The following COL22A1 variants were observed in gnomAD, a reference collection of about 807,000 sequenced individuals.
The protein encoded by COL22A1 is collagen type XXII alpha 1 chain, also known as collagen alpha-1(XXII) chain.
Under a neutral mutation model 248.9 loss-of-function variants are expected in COL22A1, and 221 were observed. The observed-to-expected ratio is 0.89, with a 90% confidence interval of 0.80 to 0.99. COL22A1 has a LOEUF of 0.99. Ranked by LOEUF, COL22A1 falls within the 50% of genes least tolerant of loss-of-function variation. The pLI is 0.00. For missense variants in COL22A1, 2,240 were observed against 2,179.0 expected, an observed-to-expected ratio of 1.03 and a Z score of -0.56; for synonymous variants, 891 against 793.4, an observed-to-expected ratio of 1.12 and a Z score of -2.07.
At chr8:138,738,035 T>A (rs10105280) in intron 22 of COL22A1, among the ~76,000 whole-genome samples, 141,351 of 152,190 alleles carry the variant, frequency 0.93, 66,266 homozygotes, top group Non-Finnish European at 1. Flanking sequence ...AGACTTCAGC[T>A]TGCCATTCAA....
intron 3 of COL22A1, among the ~76,000 whole-genome samples, chr8:138,866,770 A>G (rs2131986283): frequency 6.6e-6 from 1 of 152,230 alleles, no homozygotes; most frequent in East Asian, 1.9e-4. Flanking sequence ...TCCAAAACCT[A>G]GGAGGGTGTA....
At chr8:138,602,056 G>T (rs1587644733) in intron 60 of COL22A1, 59 bp downstream of exon 60, 6 of 1,581,610 alleles carry the variant, frequency 3.8e-6, no homozygotes, top group Non-Finnish European at 5.2e-6. Context: ...TCAACATCCT[G>T]TGGCCACTGT....
chr8:138,679,357 T>A (rs1825792487), intron 40 of COL22A1, among the ~76,000 whole-genome samples: 1 of 152,216 alleles, frequency 6.6e-6, no homozygotes, highest in African/African-American at 2.4e-5. Flanking sequence ...CCATGGTCCA[T>A]GTACATCAGC....
chr8:138,855,453 G>A (rs1011988817), intron 3 of COL22A1, among the ~76,000 whole-genome samples: 3 of 152,188 alleles, frequency 2.0e-5, no homozygotes, highest in Admixed American at 6.5e-5. Context: ...CTGCTAGGCC[G>A]GGGGAGAGCA....
intron 5 of COL22A1, 127 bp from the exon 6 acceptor site, chr8:138,826,908 A>G (rs1819631451): frequency 8.4e-7 from 1 of 1,187,188 alleles, no homozygotes; most frequent in African/African-American, 1.5e-5. Flanking sequence ...TCCACCATCC[A>G]CCTTCTTGGC....
intron 16 of COL22A1, among the ~76,000 whole-genome samples, chr8:138,764,795 CT>C (rs1833786522): frequency 6.6e-6 from 1 of 152,066 alleles, no homozygotes. Context: ...CCCATCTCTA[CT>C]GAAAAATACA....
At position 138,713,359 on chromosome 8, in the gene COL22A1, G is replaced by T. The variant is rs1312683142; in HGVS notation, c.2517+2323C>A. 2.0e-5 allele frequency among the ~76,000 whole-genome samples: 3 copies of T among 152,130 alleles called. No homozygotes were observed. In the East Asian group the frequency reaches 5.8e-4, roughly 29 times the overall value. ...GCCTTAGTTCTTTCACCTATAAACT[G>T]GGGGTTAAGACGAAAATGACTTCAT... is the stretch of plus-strand genomic sequence containing the variant. On this transcript the variant is annotated intron_variant, in intron 30 of 64. Transcript: ENST00000303045.
At chr8:138,806,361 C>G (rs1315778830) in intron 10 of COL22A1, among the ~76,000 whole-genome samples, 1 of 151,520 alleles carries the variant, frequency 6.6e-6, no homozygotes, top group Non-Finnish European at 1.5e-5. Flanking sequence ...CGTAGTGTCA[C>G]ATCCTAGCAC....
intron 22 of COL22A1, among the ~76,000 whole-genome samples, chr8:138,744,899 G>C (rs755075353): frequency 2.1e-4 from 32 of 152,146 alleles, no homozygotes; most frequent in Non-Finnish European, 4.3e-4. Context: ...TTTGTAAGAG[G>C]GGACATCTTG....
chr8:138,613,260 A>G (rs1367325818), intron 56 of COL22A1, among the ~76,000 whole-genome samples: 1 of 151,718 alleles, frequency 6.6e-6, no homozygotes, highest in Non-Finnish European at 1.5e-5. Flanking sequence ...AAAAAAAAAA[A>G]AGGAAGGGGT....
rs886333571 is a variant in COL22A1, at chr8:138,695,716, G to C, written c.2593-837C>G. On this transcript the variant is annotated intron_variant, in intron 32 of 64. Coordinates refer to ENST00000303045, the MANE Select transcript of COL22A1 (RefSeq NM_152888.3). The stretch of plus-strand genomic sequence containing the variant: ...AAGATGGGGCAGGCTCACTTCCAGG[G>C]AGCCACATCCAGGGTGCCCAACACA... Among the ~76,000 whole-genome samples the C allele has an allele frequency of 8.5e-5, 13 of 152,228 alleles. No individual in the cohort carries two copies. The South Asian group carries it at 2.7e-3, about 32-fold the overall frequency.
intron 8 of COL22A1, among the ~76,000 whole-genome samples, 183 bp from the exon 9 acceptor site, chr8:138,812,104 G>C (rs1272998710): frequency 6.6e-6 from 1 of 152,220 alleles, no homozygotes; most frequent in East Asian, 1.9e-4. Flanking sequence ...CATTTCACTG[G>C]CTGGCTCAGC....
At chr8:138,649,011 T>G (rs1822452556) in intron 46 of COL22A1, among the ~76,000 whole-genome samples, 1 of 152,268 alleles carries the variant, frequency 6.6e-6, no homozygotes, top group Non-Finnish European at 1.5e-5. Context: ...TGTAATTCAA[T>G]ATTAAAATGG....
rs1231406013 is a variant in COL22A1 at position 138,778,349 on chromosome 8, T to C, written c.1758+4A>G. On this transcript the variant is annotated splice_donor_region_variant and intron_variant, in intron 15 of 64. Transcript: ENST00000303045. ...CCCCTGCCCAGACAAGTGCCTTCAC[T>C]TACAGGAGCTCCGACACGTCCAGGA... The C allele has an allele frequency of 6.2e-7, 1 of 1,613,966 alleles. No individual in the cohort carries two copies. Among genetic ancestry groups the C allele is most frequent in the South Asian group, 1.1e-5 (1 of 91,022 alleles).
At chr8:138,870,288 G>A (rs1212684860) in intron 3 of COL22A1, among the ~76,000 whole-genome samples, 1 of 151,766 alleles carries the variant, frequency 6.6e-6, no homozygotes, top group Non-Finnish European at 1.5e-5. Flanking sequence ...TGTGTGAACT[G>A]TGCATTTGTA....
intron 18 of COL22A1, among the ~76,000 whole-genome samples, chr8:138,757,551 G>T (rs984534492): frequency 6.6e-6 from 1 of 152,070 alleles, no homozygotes; most frequent in African/African-American, 2.4e-5. Flanking sequence ...ACCATATAAG[G>T]GCCAATGTTC....
chr8:138,876,219 C>G (rs1267344920), intron 3 of COL22A1, among the ~76,000 whole-genome samples: 1 of 152,194 alleles, frequency 6.6e-6, no homozygotes, highest in Non-Finnish European at 1.5e-5. Flanking sequence ...GTCATGGCAT[C>G]CTTTAATCCC....
rs192060323 is a variant in COL22A1 at position 138,878,058 on chromosome 8, G to A, written c.350C>T (p.Thr117Met). Residue 117 changes from threonine (T) to methionine (M), a missense_variant, in exon 3 of 65, where the codon ACG becomes ATG. Thr to Met is a moderately conservative substitution (Grantham distance 81, BLOSUM62 -1). Transcript: ENST00000303045. ...CGTGATGTAGCGGAGCGCGTCTCCC[G>A]TGTTGGTGTTGCCCCCGTGGTAGGC... The part of the protein sequence containing the change: ...RLAYHGGNTN[T>M]GDALRYITAR... The A allele has an allele frequency of 3.1e-6, 5 of 1,596,038 alleles. No individual in the cohort carries two copies. The highest frequency in any genetic ancestry group is 2.3e-5 in the East Asian group (1 of 44,068).
intron 13 of COL22A1, 31 bp from the exon 14 acceptor site, chr8:138,779,593 G>A: frequency 6.5e-7 from 1 of 1,544,032 alleles, no homozygotes; most frequent in Non-Finnish European, 9.0e-7. Context: ...AAAGTCATAG[G>A]CAGTGGGACA....
Sources: gnomAD v4.1 joint callset for allele counts (sites outside exome capture counted in the v4.1 genomes callset) on GRCh38, gnomAD v4.1.1 for gene constraint, MANE v1.5 for transcripts, NCBI Gene and HGNC (gene_info 2026-07-23, HGNC 2026-07-21) for gene names.